NCKAP5: variants seen among roughly 807,000 people sequenced by gnomAD.
NCKAP5 encodes the protein NCK associated protein 5, also known as nck-associated protein 5.
NCKAP5 carries 92 observed loss-of-function variants against 167.0 expected under a neutral mutation model. The observed-to-expected ratio is 0.55, with a 90% CI of 0.47 to 0.66. The LOEUF (loss-of-function observed/expected upper bound fraction) is 0.66. NCKAP5 is among the 30% of genes least tolerant of loss of function. The pLI is 0.00. For synonymous variants in NCKAP5, 891 were observed against 877.4 expected (o/e 1.02, Z -0.27); for missense variants, 2,378 against 2,315.0 (o/e 1.03, Z -0.56).
chr2:133,172,640 GT>G (rs34818543), intron 5 of NCKAP5, among the ~76,000 whole-genome samples: 20,491 of 148,538 alleles, frequency 0.14, 1,553 homozygotes, highest in East Asian at 0.38. Flanking sequence ...CTGGCTAATC[GT>G]TTTTTTTTTG....
At chr2:133,523,251 C>T (rs554668099) in intron 2 of NCKAP5, among the ~76,000 whole-genome samples, 46 of 151,588 alleles carry the variant, frequency 3.0e-4, no homozygotes, top group African/African-American at 9.2e-4. Flanking sequence ...GTAACAAAAC[C>T]GCACCATTGA....
At chr2:132,750,008 A>G (rs918065057) in intron 16 of NCKAP5, among the ~76,000 whole-genome samples, 1 of 152,228 alleles carries the variant, frequency 6.6e-6, no homozygotes, top group Non-Finnish European at 1.5e-5. Flanking sequence ...TCCAGCTTAC[A>G]GATACAGAAA....
intron 5 of NCKAP5, among the ~76,000 whole-genome samples, chr2:133,158,660 C>G (rs2149924489): frequency 6.6e-6 from 1 of 152,238 alleles, no homozygotes; most frequent in East Asian, 1.9e-4. Context: ...ATGTTATCTC[C>G]ACTACTTGCC....
At chr2:133,673,358 G>A in the NCKAP5 span, among the ~76,000 whole-genome samples, 1 of 152,154 alleles carries the variant, frequency 6.6e-6, no homozygotes, top group Non-Finnish European at 1.5e-5. Context: ...ATATAACCTT[G>A]TTTTTCTCTG....
At chr2:132,749,523 C>A (rs527736816) in intron 16 of NCKAP5, among the ~76,000 whole-genome samples, 21 of 152,308 alleles carry the variant, frequency 1.4e-4, no homozygotes, top group African/African-American at 4.8e-4. Context: ...AAGAAAATCT[C>A]CAGTTGAAAA....
chr2:133,274,772 A>T (rs1160790230), intron 4 of NCKAP5, among the ~76,000 whole-genome samples: 1 of 149,010 alleles, frequency 6.7e-6, no homozygotes, highest in African/African-American at 2.4e-5. Context: ...TTAACTTTCT[A>T]TGTGATAATG....
intron 6 of NCKAP5, among the ~76,000 whole-genome samples, chr2:133,057,502 T>C (rs2079845277): frequency 6.6e-6 from 1 of 152,174 alleles, no homozygotes; most frequent in Non-Finnish European, 1.5e-5. Flanking sequence ...TTACTGCTGA[T>C]ATGGAGAAAG....
At chr2:133,308,226 C>T (rs899328098) in intron 3 of NCKAP5, among the ~76,000 whole-genome samples, 1 of 151,032 alleles carries the variant, frequency 6.6e-6, no homozygotes, top group Admixed American at 6.6e-5. Context: ...GTAGCTGGGA[C>T]TACAGGCGCC....
chr2:133,028,779 C>A (rs969729542), intron 6 of NCKAP5, among the ~76,000 whole-genome samples: 5 of 152,172 alleles, frequency 3.3e-5, no homozygotes, highest in African/African-American at 1.2e-4. Flanking sequence ...TGGGAGGTAA[C>A]TGGATCACGG....
chr2:133,591,535 C>T, the NCKAP5 span, among the ~76,000 whole-genome samples: 1 of 152,180 alleles, frequency 6.6e-6, no homozygotes, highest in Non-Finnish European at 1.5e-5. Context: ...TCTGAAAATC[C>T]TGGTCGTCTA....
chr2:133,099,531 C>T (rs1160611024), intron 6 of NCKAP5, among the ~76,000 whole-genome samples: 3 of 152,158 alleles, frequency 2.0e-5, no homozygotes, highest in Admixed American at 2.0e-4. Flanking sequence ...GGGGTCACTG[C>T]CACTAACTAG....
chr2:133,404,205 AT>A (rs1241560490), intron 3 of NCKAP5, among the ~76,000 whole-genome samples: 1 of 152,238 alleles, frequency 6.6e-6, no homozygotes, highest in Non-Finnish European at 1.5e-5. Flanking sequence ...GAAAATGAAC[AT>A]TTGGGCTCCC....
At chr2:133,174,259 A>G (rs1461006487) in intron 5 of NCKAP5, among the ~76,000 whole-genome samples, 1 of 152,166 alleles carries the variant, frequency 6.6e-6, no homozygotes, top group African/African-American at 2.4e-5. Flanking sequence ...ATTTTAGACA[A>G]GTATACTACA....
At chr2:132,998,836 G>A (rs1197319970) in intron 6 of NCKAP5, among the ~76,000 whole-genome samples, 4 of 152,112 alleles carry the variant, frequency 2.6e-5, no homozygotes, top group African/African-American at 7.2e-5. Context: ...CTCTGGTTCA[G>A]GCTTGGGCAG....
At chr2:133,642,433 G>A in the NCKAP5 span, among the ~76,000 whole-genome samples, 1 of 152,210 alleles carries the variant, frequency 6.6e-6, no homozygotes, top group East Asian at 1.9e-4. Context: ...CATATAGAAA[G>A]CCTTGTCTTC....
intron 7 of NCKAP5, among the ~76,000 whole-genome samples, chr2:132,977,173 A>G (rs949671266): frequency 5.9e-5 from 9 of 152,214 alleles, no homozygotes; most frequent in African/African-American, 2.2e-4. Flanking sequence ...CACACACTGC[A>G]CAACACAGAA....
intron 8 of NCKAP5, among the ~76,000 whole-genome samples, chr2:132,897,422 A>G (rs1693291245): frequency 6.6e-6 from 1 of 152,260 alleles, no homozygotes; most frequent in Non-Finnish European, 1.5e-5. Flanking sequence ...GAAGCTCTCT[A>G]TATAATGCTA....
chr2:133,214,462 G>A (rs35127010), intron 4 of NCKAP5, among the ~76,000 whole-genome samples: 2,304 of 152,124 alleles, frequency 0.015, 31 homozygotes, highest in Non-Finnish European at 0.026. Flanking sequence ...TCAGTGTGTA[G>A]GTAATATAAA....
intron 3 of NCKAP5, among the ~76,000 whole-genome samples, chr2:133,303,465 T>G (rs886990458): frequency 2.6e-5 from 4 of 152,128 alleles, no homozygotes; most frequent in Non-Finnish European, 5.9e-5. Flanking sequence ...GACAAAACAG[T>G]TCTTGATTTT....
Sources: gnomAD v4.1 joint callset for allele counts (sites outside exome capture counted in the v4.1 genomes callset) on GRCh38, gnomAD v4.1.1 for gene constraint, MANE v1.5 for transcripts, NCBI Gene and HGNC (gene_info 2026-07-23, HGNC 2026-07-21) for gene names.